Variants in IFT80 observed in about 807,000 individuals in gnomAD.
IFT80 encodes intraflagellar transport protein 80 homolog.
Under a neutral mutation model 107.9 loss-of-function variants are expected in IFT80, and 79 were observed. That is an observed-to-expected ratio of 0.73 (90% CI 0.61 to 0.88). The LOEUF is 0.88. IFT80 is among the 40% of genes least tolerant of loss of function. The probability of loss-of-function intolerance (pLI) is 0.00; values close to 1 mark genes in which losing one functional copy is unlikely to be tolerated. For synonymous variants in IFT80, 299 were observed against 300.9 expected (o/e 0.99, Z 0.07); for missense variants, 797 against 914.2 (o/e 0.87, Z 1.65).
chr3:160,373,218 G>C (rs1711682204), intron 5 of IFT80, among the ~76,000 whole-genome samples: 1 of 152,104 alleles, frequency 6.6e-6, no homozygotes, highest in African/African-American at 2.4e-5. Flanking sequence ...AAAATGTCCT[G>C]ATTTTTAATA....
chr3:160,266,051 A>G (rs1313252685), intron 19 of IFT80, among the ~76,000 whole-genome samples: 2 of 152,096 alleles, frequency 1.3e-5, no homozygotes, highest in African/African-American at 4.8e-5. Flanking sequence ...TTTCATCATA[A>G]AATACTGCTT....
At chr3:160,321,219 C>G (rs912737947) in intron 8 of IFT80, among the ~76,000 whole-genome samples, 2 of 151,862 alleles carry the variant, frequency 1.3e-5, no homozygotes, top group Non-Finnish European at 2.9e-5. Flanking sequence ...AGACTGGGAA[C>G]TTCAAAGATA....
intron 9 of IFT80, among the ~76,000 whole-genome samples, chr3:160,318,536 A>G (rs1439250340): frequency 6.6e-6 from 1 of 152,056 alleles, no homozygotes; most frequent in African/African-American, 2.4e-5. Flanking sequence ...AATATATTAA[A>G]GGCAAGGCAC....
At chr3:160,370,326 T>C (rs562064346) in intron 5 of IFT80, among the ~76,000 whole-genome samples, 3 of 152,212 alleles carry the variant, frequency 2.0e-5, no homozygotes, top group Non-Finnish European at 2.9e-5. Context: ...AATTATTTTG[T>C]AATAAGCAAG....
intron 9 of IFT80, among the ~76,000 whole-genome samples, chr3:160,315,227 G>A (rs887264177): frequency 7.2e-5 from 11 of 152,188 alleles, no homozygotes; most frequent in Non-Finnish European, 1.3e-4. Context: ...TCCCCCTGCA[G>A]TGAATCTGAA....
In IFT80 at chr3:160,394,494, C is replaced by A. The variant is rs562513905; in HGVS notation, c.-47+4652G>T. Among the ~76,000 whole-genome samples the A allele has an allele frequency of 7.2e-5, 11 of 152,208 alleles. No homozygotes were observed. The South Asian group carries it at 1.5e-3, about 20-fold the overall frequency. ...CCATCTCAATTCCTGTATGCATTTGCGAAAGTGTATGTGTACGCTGTGGTA... is the reference window on the plus strand; with the variant it reads ...CCATCTCAATTCCTGTATGCATTTGAGAAAGTGTATGTGTACGCTGTGGTA... On this transcript the variant is annotated intron_variant, in intron 1 of 19. Coordinates refer to ENST00000326448, the MANE Select transcript of IFT80 (RefSeq NM_020800.3).
chr3:160,345,374 T>A (rs1720213312), intron 8 of IFT80, among the ~76,000 whole-genome samples: 15 of 152,032 alleles, frequency 9.9e-5, no homozygotes, highest in Admixed American at 9.8e-4. Context: ...ATTTGTGGGA[T>A]TTAAAAATCA....
chr3:160,329,271 T>A (rs1469021037), intron 8 of IFT80, among the ~76,000 whole-genome samples: 1 of 152,226 alleles, frequency 6.6e-6, no homozygotes, highest in Non-Finnish European at 1.5e-5. Flanking sequence ...TTTAACACTC[T>A]AATTCTCTTC....
intron 6 of IFT80, among the ~76,000 whole-genome samples, chr3:160,359,737 T>TC (rs906664409): frequency 1.3e-5 from 2 of 152,250 alleles, no homozygotes; most frequent in Admixed American, 6.5e-5. Flanking sequence ...TCCAGCAAAC[T>TC]CCAACAGACC....
At chr3:160,258,966 G>A (rs928172115) in intron 19 of IFT80, among the ~76,000 whole-genome samples, 1 of 151,906 alleles carries the variant, frequency 6.6e-6, no homozygotes, top group Non-Finnish European at 1.5e-5. Flanking sequence ...AAAGTAGCTG[G>A]GTGTGGTGGC....
At position 160,292,188 on chromosome 3, in the gene IFT80, C is replaced by CT. The variant is rs1715613224; in HGVS notation, c.1316-6321dup. 2.6e-5 allele frequency among the ~76,000 whole-genome samples: 4 copies of CT among 152,172 alleles called. No individual in the cohort carries two copies. The South Asian group carries it at 6.2e-4, about 24-fold the overall frequency. ...TTAACCAGTGGTAGCCTGGCACATA[C>CT]TGAGGGAACTATAAAAGAACCAGCA... On this transcript the variant is annotated intron_variant, in intron 12 of 19. Coordinates refer to ENST00000326448, the MANE Select transcript of IFT80 (RefSeq NM_020800.3).
chr3:160,382,073 C>G (rs1712561436), intron 2 of IFT80, among the ~76,000 whole-genome samples: 1 of 152,158 alleles, frequency 6.6e-6, no homozygotes, highest in South Asian at 2.1e-4. Context: ...AGAATCTACA[C>G]TGAACTGTTG....
intron 1 of IFT80, among the ~76,000 whole-genome samples, chr3:160,393,723 AAAAGC>A (rs1372008646): frequency 2.6e-5 from 4 of 152,218 alleles, no homozygotes; most frequent in African/African-American, 9.6e-5. Context: ...ACTAAGAGGT[AAAAGC>A]ACTAACAATA....
At chr3:160,343,288 C>T (rs957803195) in intron 8 of IFT80, among the ~76,000 whole-genome samples, 2 of 151,962 alleles carry the variant, frequency 1.3e-5, no homozygotes, top group African/African-American at 4.8e-5. Context: ...AACGAATATT[C>T]AAAGACAGAG....
chr3:160,299,494 G>C (rs371377812), intron 12 of IFT80, among the ~76,000 whole-genome samples: 1 of 152,146 alleles, frequency 6.6e-6, no homozygotes, highest in Non-Finnish European at 1.5e-5. Context: ...GAGAGAAACA[G>C]TTATTTAATA....
intron 8 of IFT80, among the ~76,000 whole-genome samples, chr3:160,331,042 A>G (rs750528711): frequency 1.1e-4 from 17 of 152,322 alleles, no homozygotes; most frequent in Middle Eastern, 3.4e-3. Context: ...CATAGATGTT[A>G]GCAACCTCAG....
intron 18 of IFT80, among the ~76,000 whole-genome samples, chr3:160,275,313 A>G (rs1162283983): frequency 6.6e-6 from 1 of 152,128 alleles, no homozygotes; most frequent in African/African-American, 2.4e-5. Flanking sequence ...AACCGTATCA[A>G]TCTAAAAGGA....
In IFT80 at chr3:160,308,557, A is replaced by C. The variant is rs149685668; in HGVS notation, c.958-776T>G. On this transcript the variant is annotated intron_variant, in intron 9 of 19. Transcript: ENST00000326448. ...AAAGAATGGGAATGGCAGTATAGTT[A>C]AGAGGAAAAATATAGGGGAAAAAAG... Among the ~76,000 whole-genome samples the C allele has an allele frequency of 2.0e-3, 310 of 152,314 alleles. 1 individual carries two copies. Among genetic ancestry groups the C allele is most frequent in the African/African-American group, 7.1e-3 (295 of 41,558 alleles).
At chr3:160,381,446 A>C in intron 3 of IFT80, 57 bp downstream of exon 3, 1 of 1,278,660 alleles carries the variant, frequency 7.8e-7, no homozygotes. Flanking sequence ...AGCATAAATC[A>C]TACTATTAAG....
Sources: gnomAD v4.1 joint callset for allele counts (sites outside exome capture counted in the v4.1 genomes callset) on GRCh38, gnomAD v4.1.1 for gene constraint, MANE v1.5 for transcripts, NCBI Gene and HGNC (gene_info 2026-07-23, HGNC 2026-07-21) for gene names.